Variants in DHRS4L2 observed in about 807,000 individuals in gnomAD.
The protein encoded by DHRS4L2 is dehydrogenase/reductase 4 like 2.
A neutral mutation model predicts 23.9 loss-of-function variants in DHRS4L2; 22 were observed. The observed-to-expected ratio is 0.92, with a 90% CI of 0.66 to 1.31. The LOEUF (loss-of-function observed/expected upper bound fraction) is 1.31, where lower values mean the gene tolerates loss of function less well. Among genes scored for constraint, DHRS4L2 ranks in the 40% most tolerant of loss-of-function variants. DHRS4L2 has a pLI of 0.00. For missense variants in DHRS4L2, 385 were observed against 303.3 expected (o/e 1.27, Z -2.00); for synonymous variants, 141 against 123.7 (o/e 1.14, Z -0.93).
intron 3 of DHRS4L2, among the ~76,000 whole-genome samples, chr14:23,999,394 G>T (rs1034627897): frequency 9.4e-5 from 9 of 95,278 alleles, no homozygotes; most frequent in Middle Eastern, 6.7e-3. Flanking sequence ...CAAAGCATAA[G>T]AAAATATGTG....
intron 1 of DHRS4L2, among the ~76,000 whole-genome samples, chr14:23,971,041 A>T (rs2033846647): frequency 6.6e-6 from 1 of 152,120 alleles, no homozygotes; most frequent in African/African-American, 2.4e-5. Context: ...AAAGATGGAG[A>T]GAAACCAGAG....
chr14:23,971,726 C>T (rs1175424647), intron 1 of DHRS4L2, among the ~76,000 whole-genome samples: 1 of 152,026 alleles, frequency 6.6e-6, no homozygotes, highest in Non-Finnish European at 1.5e-5. Context: ...TCCAGCCAAA[C>T]TAAGCTTCGT....
intron 6 of DHRS4L2, among the ~76,000 whole-genome samples, chr14:24,001,957 C>CTTGTTT (rs2034497756): frequency 3.6e-4 from 2 of 5,516 alleles, no homozygotes; most frequent in African/African-American, 3.8e-3. Context: ...CTTTCCTCTT[C>CTTGTTT]TTTTTTTTTT....
intron 1 of DHRS4L2, among the ~76,000 whole-genome samples, chr14:23,982,853 A>G (rs1487111150): frequency 6.6e-6 from 1 of 151,652 alleles, no homozygotes; most frequent in Non-Finnish European, 1.5e-5. Flanking sequence ...CAATTTTATT[A>G]TGTTGTATTA....
upstream of DHRS4L2, chr14:23,988,848 G>GC: frequency 6.8e-7 from 1 of 1,473,148 alleles, no homozygotes; most frequent in Non-Finnish European, 9.0e-7. Context: ...AGGGCGGGAA[G>GC]GGGGCAGGCA....
chr14:23,992,982 A>T (rs531467545), intron 2 of DHRS4L2, among the ~76,000 whole-genome samples: 3 of 147,780 alleles, frequency 2.0e-5, no homozygotes, highest in African/African-American at 7.5e-5. Flanking sequence ...ACCCAGCCTC[A>T]TTCATCTTTT....
chr14:23,990,500 T>C (rs1294856432), intron 2 of DHRS4L2, 141 bp downstream of exon 2: 1 of 1,344,430 alleles, frequency 7.4e-7, no homozygotes, highest in Non-Finnish European at 9.9e-7. Context: ...CAGAGAATCA[T>C]CCCATCTCAG....
intron 3 of DHRS4L2, among the ~76,000 whole-genome samples, chr14:24,000,090 G>C (rs2034457604): frequency 7.2e-6 from 1 of 139,252 alleles, no homozygotes; most frequent in Admixed American, 6.9e-5. Flanking sequence ...TTGCAACTGA[G>C]TTTCAATGGT....
At chr14:23,972,678 T>C (rs1238986549) in intron 1 of DHRS4L2, among the ~76,000 whole-genome samples, 2 of 151,858 alleles carry the variant, frequency 1.3e-5, no homozygotes, top group Non-Finnish European at 2.9e-5. Context: ...GAAACAACAG[T>C]GAGTCCAGGG....
intron 2 of DHRS4L2, chr14:23,991,083 C>T (rs550933155): frequency 2.3e-5 from 4 of 173,132 alleles, no homozygotes; most frequent in East Asian, 3.8e-4. Context: ...AGGCTCAGGG[C>T]ACACACTTTA....
chr14:23,980,798 C>T (rs1308165005), intron 1 of DHRS4L2, among the ~76,000 whole-genome samples: 4 of 151,430 alleles, frequency 2.6e-5, no homozygotes, highest in East Asian at 1.9e-4. Flanking sequence ...ATTGATAGAA[C>T]GTATCTCAAA....
chr14:23,985,099 A>G (rs1317482335), upstream of DHRS4L2, among the ~76,000 whole-genome samples: 1 of 151,522 alleles, frequency 6.6e-6, no homozygotes, highest in Non-Finnish European at 1.5e-5. Flanking sequence ...CTCAAGGAGC[A>G]CAGCACCAGG....
At chr14:24,001,860 A>G (rs1433099968) in intron 6 of DHRS4L2, among the ~76,000 whole-genome samples, 1 of 102,832 alleles carries the variant, frequency 9.7e-6, no homozygotes, top group Admixed American at 9.3e-5. Context: ...CTAGAAAAAA[A>G]TAGGAAGTGA....
At chr14:23,985,035 G>A (rs1466063334), upstream of DHRS4L2, among the ~76,000 whole-genome samples, 1 of 151,296 alleles carries the variant, frequency 6.6e-6, no homozygotes, top group Non-Finnish European at 1.5e-5. Flanking sequence ...CTTAGTGTAG[G>A]CTTGTATGAC....
chr14:23,982,068 T>A (rs570159737), intron 1 of DHRS4L2, among the ~76,000 whole-genome samples: 1 of 151,736 alleles, frequency 6.6e-6, no homozygotes, highest in East Asian at 1.9e-4. Flanking sequence ...GCACAGACCC[T>A]TCATGGGTGT....
At position 23,990,345 on chromosome 14, in the gene DHRS4L2, C is replaced by A. The variant is rs768484737; in HGVS notation, c.292C>A (p.Arg98=). 1.4e-5 allele frequency: 23 copies of A among 1,610,642 alleles called. No individual in the cohort carries two copies. Among genetic ancestry groups the A allele is most frequent in the Non-Finnish European group, 1.9e-5 (22 of 1,178,492 alleles). ...CHVGKAEDRE[R]LVAMAVKLHG... ...TGTGGGGAAGGCGGAGGACCGGGAG[C>A]GGCTGGTGGCCATGGTGAGCTGCAG... The change falls in exon 2 of 8, where the codon CGG becomes AGG. Residue 98 remains arginine, a synonymous_variant. Transcript: ENST00000335125.
intron 3 of DHRS4L2, among the ~76,000 whole-genome samples, chr14:23,996,910 C>T (rs1309579076): frequency 1.3e-5 from 2 of 152,020 alleles, no homozygotes; most frequent in Admixed American, 6.5e-5. Flanking sequence ...ATTGGGATTA[C>T]AGGCATGAGC....
rs145266187 is a variant in DHRS4L2 at position 23,989,023 on chromosome 14, C to G, written c.76C>G (p.Arg26Gly). ...SVRMASSRMT[R>G]RDPLTNKVAL... The stretch of plus-strand genomic sequence containing the variant: ...GCGGATGGCCAGCTCCAGGATGACC[C>G]GCCGGGACCCGCTCACAAATAAGGT... Residue 26 changes from arginine to glycine, a missense_variant, in exon 1 of 8, where the codon CGC becomes GGC. By Grantham distance (125) the Arg-to-Gly change is moderately radical. Transcript: ENST00000335125. 4.4e-6 allele frequency: 7 copies of G among 1,604,946 alleles called. No homozygotes were observed. Among genetic ancestry groups the G allele is most frequent in the Non-Finnish European group, 6.0e-6 (7 of 1,175,876 alleles).
intron 1 of DHRS4L2, among the ~76,000 whole-genome samples, chr14:23,972,713 C>T (rs1368756295): frequency 6.6e-6 from 1 of 151,874 alleles, no homozygotes; most frequent in Non-Finnish European, 1.5e-5. Flanking sequence ...ATACCAAGGA[C>T]CTGCACCGGC....
Sources: gnomAD v4.1 joint callset for allele counts (sites outside exome capture counted in the v4.1 genomes callset) on GRCh38, gnomAD v4.1.1 for gene constraint, MANE v1.5 for transcripts, NCBI Gene and HGNC (gene_info 2026-07-23, HGNC 2026-07-21) for gene names.